SGCZ: variants seen among roughly 807,000 people sequenced by gnomAD.
The protein encoded by SGCZ is zeta-sarcoglycan.
In SGCZ, 40 loss-of-function variants were observed where a neutral mutation model predicts 41.3. The observed-to-expected ratio is 0.97, with a 90% CI of 0.75 to 1.26. The LOEUF is 1.26. Ranked by LOEUF, SGCZ falls within the 50% of genes most tolerant of loss-of-function variation. The pLI is 0.00. For missense variants in SGCZ, 552 were observed against 369.8 expected, an observed-to-expected ratio of 1.49 and a Z score of -4.04; for synonymous variants, 206 against 137.5, an observed-to-expected ratio of 1.50 and a Z score of -3.49.
intron 2 of SGCZ, among the ~76,000 whole-genome samples, chr8:14,337,604 A>G (rs148505609): frequency 9.0e-4 from 137 of 152,278 alleles, no homozygotes; most frequent in African/African-American, 3.2e-3. Flanking sequence ...GATGGTGAAA[A>G]AGAGAATGAA....
At chr8:14,450,350 C>G (rs1280536935) in intron 2 of SGCZ, among the ~76,000 whole-genome samples, 2 of 152,162 alleles carry the variant, frequency 1.3e-5, no homozygotes, top group South Asian at 4.1e-4. Context: ...TTCATTTCAG[C>G]CTCCACAGGA....
At chr8:14,307,079 T>C (rs1801373450) in intron 3 of SGCZ, among the ~76,000 whole-genome samples, 1 of 152,252 alleles carries the variant, frequency 6.6e-6, no homozygotes, top group South Asian at 2.1e-4. Context: ...AAATATTTTA[T>C]CAGAAAAAGA....
At chr8:14,867,981 T>C (rs191079913) in intron 1 of SGCZ, among the ~76,000 whole-genome samples, 2 of 151,948 alleles carry the variant, frequency 1.3e-5, no homozygotes, top group Non-Finnish European at 2.9e-5. Context: ...ACATTCTATA[T>C]AACATGCAAA....
intron 2 of SGCZ, among the ~76,000 whole-genome samples, chr8:14,395,740 A>G (rs973333208): frequency 1.6e-4 from 25 of 152,192 alleles, no homozygotes; most frequent in Admixed American, 1.3e-3. Flanking sequence ...ACATAACCAG[A>G]CATCAGATGG....
chr8:14,861,071 T>C (rs932351556), intron 1 of SGCZ, among the ~76,000 whole-genome samples: 1 of 152,106 alleles, frequency 6.6e-6, no homozygotes, highest in African/African-American at 2.4e-5. Context: ...TGCTTGAGAG[T>C]TGAGAAACAC....
rs569303957 is a variant in SGCZ, at chr8:15,065,443, A to ATTATTATTG, written c.39+172141_39+172142insCAATAATAA. ...TATTATTATTATTATTATTATTATT[A>ATTATTATTG]TTATTATTATTATTATTTTGAGTCA... On this transcript the variant is annotated intron_variant, in intron 1 of 7. Coordinates refer to ENST00000382080, the MANE Select transcript of SGCZ (RefSeq NM_139167.4). Among the ~76,000 whole-genome samples, 427 of 147,300 alleles carry ATTATTATTG rather than the reference A, an allele frequency of 2.9e-3. 2 individuals carry two copies. Among genetic ancestry groups the ATTATTATTG allele is most frequent in the African/African-American group, 0.01 (407 of 40,378 alleles).
chr8:14,903,379 CAATT>C (rs2130763953), intron 1 of SGCZ, among the ~76,000 whole-genome samples: 1 of 152,142 alleles, frequency 6.6e-6, no homozygotes, highest in Non-Finnish European at 1.5e-5. Context: ...TTATTTAAAA[CAATT>C]AATAATTATG....
intron 1 of SGCZ, among the ~76,000 whole-genome samples, chr8:15,213,054 A>C (rs947424697): frequency 2.6e-5 from 4 of 152,060 alleles, no homozygotes; most frequent in African/African-American, 9.6e-5. Context: ...AAAGCATTTA[A>C]TACCATATTT....
intron 1 of SGCZ, among the ~76,000 whole-genome samples, chr8:15,044,728 T>C (rs1229669594): frequency 6.6e-6 from 1 of 152,034 alleles, no homozygotes; most frequent in Non-Finnish European, 1.5e-5. Flanking sequence ...GAGTTAATGA[T>C]GATTAGGAGT....
chr8:14,490,740 T>C (rs1395132673), intron 2 of SGCZ, among the ~76,000 whole-genome samples: 1 of 152,162 alleles, frequency 6.6e-6, no homozygotes, highest in Non-Finnish European at 1.5e-5. Context: ...AACATACCAC[T>C]AAAAACATCA....
At chr8:14,128,535 C>A in intron 5 of SGCZ, among the ~76,000 whole-genome samples, 1 of 152,142 alleles carries the variant, frequency 6.6e-6, no homozygotes, top group East Asian at 1.9e-4. Context: ...TTCAGTCCAG[C>A]AATTCCAGTA....
chr8:14,146,890 A>AAAAAAAATAATAAT (rs1182329393), intron 5 of SGCZ, among the ~76,000 whole-genome samples: 10 of 116,252 alleles, frequency 8.6e-5, no homozygotes, highest in Non-Finnish European at 1.3e-4. Flanking sequence ...AAAATAAAAA[A>AAAAAAAATAATAAT]AATAATAATA....
chr8:14,517,749 G>A (rs1417286179), intron 2 of SGCZ, among the ~76,000 whole-genome samples: 1 of 151,792 alleles, frequency 6.6e-6, no homozygotes, highest in Non-Finnish European at 1.5e-5. Context: ...ATAATTAATA[G>A]TATATTCATG....
chr8:14,213,426 T>A (rs1355295987), intron 4 of SGCZ, among the ~76,000 whole-genome samples: 1 of 152,080 alleles, frequency 6.6e-6, no homozygotes, highest in Non-Finnish European at 1.5e-5. Flanking sequence ...AAAGGAACTA[T>A]TTACCTCAAT....
chr8:14,178,118 C>T (rs924076890), intron 4 of SGCZ, among the ~76,000 whole-genome samples: 9 of 151,684 alleles, frequency 5.9e-5, no homozygotes, highest in African/African-American at 9.7e-5. Context: ...CCATCACCCC[C>T]GGCTAATTGT....
intron 5 of SGCZ, among the ~76,000 whole-genome samples, chr8:14,121,523 A>G (rs955289031): frequency 6.6e-6 from 1 of 152,144 alleles, no homozygotes; most frequent in Non-Finnish European, 1.5e-5. Flanking sequence ...CTTTCAAATT[A>G]TACAGGGTTT....
intron 2 of SGCZ, among the ~76,000 whole-genome samples, chr8:14,396,691 G>T: frequency 6.6e-6 from 1 of 151,426 alleles, no homozygotes; most frequent in South Asian, 2.1e-4. Flanking sequence ...AATTCTTCAG[G>T]GGTTTTCTGA....
chr8:15,221,665 G>A (rs966353654), intron 1 of SGCZ, among the ~76,000 whole-genome samples: 14 of 152,104 alleles, frequency 9.2e-5, no homozygotes, highest in African/African-American at 1.9e-4. Flanking sequence ...GAAGAATCCC[G>A]AGATGCTGAA....
At chr8:14,323,934 C>T (rs1198590307) in intron 3 of SGCZ, among the ~76,000 whole-genome samples, 169 bp downstream of exon 3, 1 of 152,018 alleles carries the variant, frequency 6.6e-6, no homozygotes, top group Non-Finnish European at 1.5e-5. Context: ...TTGAAACTAA[C>T]CTCCACTGAT....
Sources: allele counts gnomAD v4.1 joint callset (sites outside exome capture counted in the v4.1 genomes callset), GRCh38; gene constraint gnomAD v4.1.1; transcripts MANE v1.5; gene names NCBI Gene and HGNC (gene_info 2026-07-23, HGNC 2026-07-21).